Variants in RMDN1 observed in about 807,000 individuals in gnomAD.
The protein encoded by RMDN1 is regulator of microtubule dynamics 1.
In RMDN1, 48 loss-of-function variants were observed where a neutral mutation model predicts 48.9. The observed-to-expected ratio is 0.98, with a 90% CI of 0.78 to 1.25. The LOEUF (loss-of-function observed/expected upper bound fraction) is 1.25. Among genes scored for constraint, RMDN1 ranks in the 50% most tolerant of loss-of-function variants. RMDN1 has a pLI of 0.00. For synonymous variants in RMDN1, 148 were observed against 132.6 expected, an observed-to-expected ratio of 1.12 and a Z score of -0.80; for missense variants, 418 against 373.4, an observed-to-expected ratio of 1.12 and a Z score of -0.98.
intron 2 of RMDN1, among the ~76,000 whole-genome samples, chr8:86,502,058 A>G (rs1171146761): frequency 5.3e-5 from 8 of 152,202 alleles, no homozygotes; most frequent in African/African-American, 1.9e-4. Context: ...CAGAAGTTGA[A>G]TAAGACCATC....
chr8:86,474,397 G>T, intron 9 of RMDN1, 39 bp from the exon 10 acceptor site: 2 of 1,479,588 alleles, frequency 1.4e-6, no homozygotes, highest in Non-Finnish European at 1.9e-6. Context: ...AAACAGGAGA[G>T]CTAAGAGACT....
Position 86,486,550 on chromosome 8 carries a change from C to T in RMDN1, c.429G>A (p.Val143=), listed in dbSNP as rs768239964. The change falls in exon 4 of 10, where the codon GTG becomes GTA. Residue 143 remains valine, a synonymous_variant. Coordinates refer to ENST00000406452, the MANE Select transcript of RMDN1 (RefSeq NM_016033.3). The stretch of plus-strand genomic sequence containing the variant: ...TTTTTGCATACTCTAGGGCTTCATA[C>T]ACCAATAGCTTTTTCTCCTCTTCTG... ...RTSEEEKKLL[V]YEALEYAKRA... The T allele has an allele frequency of 3.7e-6, 6 of 1,612,270 alleles. No homozygotes were observed. The Admixed American group carries it at 5.0e-5, about 13-fold the overall frequency.
downstream of RMDN1, among the ~76,000 whole-genome samples, chr8:86,471,458 C>G (rs906048750): frequency 2.0e-5 from 3 of 152,000 alleles, no homozygotes; most frequent in African/African-American, 7.2e-5. Context: ...ACACAATATG[C>G]TAATATGAAT....
intron 1 of RMDN1, 153 bp downstream of exon 1, chr8:86,508,339 C>T: frequency 1.3e-6 from 1 of 781,740 alleles, no homozygotes; most frequent in Non-Finnish European, 1.9e-6. Flanking sequence ...ATGGAAGGGA[C>T]CTGTCCGGGC....
chr8:86,470,098 C>T, downstream of RMDN1: 1 of 1,179,156 alleles, frequency 8.5e-7, no homozygotes, highest in Middle Eastern at 2.4e-4. Flanking sequence ...AGAATCACGG[C>T]CATTTTCCAA....
intron 2 of RMDN1, among the ~76,000 whole-genome samples, chr8:86,501,525 T>C (rs2131193844): frequency 6.6e-6 from 1 of 151,968 alleles, no homozygotes; most frequent in Middle Eastern, 3.4e-3. Flanking sequence ...ATACAAAAAT[T>C]AGGCAGGCAT....
chr8:86,485,017 A>C, intron 4 of RMDN1, 56 bp from the exon 5 acceptor site: 1 of 978,034 alleles, frequency 1.0e-6, no homozygotes, highest in Non-Finnish European at 1.6e-6. Flanking sequence ...CATTCAATAC[A>C]AGGTAAAACT....
chr8:86,479,023 A>G lies in RMDN1; in HGVS notation c.642-13T>C, dbSNP rs761598002. 5 of 1,590,810 alleles carry G rather than the reference A, an allele frequency of 3.1e-6. No homozygotes were observed. Among genetic ancestry groups the G allele is most frequent in the Non-Finnish European group, 4.3e-6 (5 of 1,159,816 alleles). ...AAATGTATAGCACCTACAGGGAAAT[A>G]AAACAATTTTATACATTCAAATTGT... On this transcript the variant is annotated splice_polypyrimidine_tract_variant and intron_variant, in intron 6 of 9. Transcript: ENST00000406452.
chr8:86,492,318 T>A (rs1356956014), intron 2 of RMDN1, among the ~76,000 whole-genome samples: 1 of 152,180 alleles, frequency 6.6e-6, no homozygotes, highest in East Asian at 1.9e-4. Context: ...GTACTATGAA[T>A]GTATTAGCAT....
intron 5 of RMDN1, among the ~76,000 whole-genome samples, chr8:86,480,709 T>C (rs764785800): frequency 6.6e-6 from 1 of 152,244 alleles, no homozygotes; most frequent in Non-Finnish European, 1.5e-5. Flanking sequence ...AAACTGTAGA[T>C]GAATACTGAA....
intron 2 of RMDN1, among the ~76,000 whole-genome samples, chr8:86,494,574 G>C (rs559676252): frequency 2.6e-5 from 4 of 151,986 alleles, no homozygotes; most frequent in Non-Finnish European, 4.4e-5. Flanking sequence ...AAAGCTTCTT[G>C]AAGTGTGAAA....
rs563966956 is a variant in RMDN1 at position 86,514,176 on chromosome 8, A to C, written c.-4+66T>G. ...GTCTTCTCAGTTCAGATATGGCATA[A>C]ATTTTCTCAAATATTTAAATTATTT... is the stretch of plus-strand genomic sequence containing the variant. On this transcript the variant is annotated intron_variant, in intron 1 of 9. Coordinates refer to the RMDN1 transcript ENST00000523911. 206 of 833,412 alleles carry C rather than the reference A, an allele frequency of 2.5e-4. No individual in the cohort carries two copies. The African/African-American group carries it at 3.6e-3, about 14-fold the overall frequency. The allele number at this position is 833,412 out of a possible 1,614,324, so 51.6% of individuals were successfully genotyped here. A position where few individuals can be genotyped will look rare whatever the true frequency, so the allele number is the denominator to read the frequency against.
chr8:86,477,110 TAGC>T (rs1436084724), intron 8 of RMDN1, among the ~76,000 whole-genome samples, 181 bp downstream of exon 8: 1 of 151,064 alleles, frequency 6.6e-6, no homozygotes, highest in Non-Finnish European at 1.5e-5. Flanking sequence ...CTAAGTTCAA[TAGC>T]AGCCTATTTC....
At chr8:86,497,952 G>A (rs1005336448) in intron 2 of RMDN1, among the ~76,000 whole-genome samples, 15 of 151,230 alleles carry the variant, frequency 9.9e-5, no homozygotes, top group Admixed American at 6.6e-5. Flanking sequence ...AAAAATTAGC[G>A]AGGTGTGGTG....
downstream of RMDN1, among the ~76,000 whole-genome samples, chr8:86,468,909 C>A (rs7018083): frequency 0.34 from 52,263 of 151,870 alleles, 10,450 homozygotes; most frequent in African/African-American, 0.55. Flanking sequence ...CTGGACTAAC[C>A]GAAAGAAATT....
chr8:86,508,688 G>T, upstream of RMDN1: 1 of 1,433,560 alleles, frequency 7.0e-7, no homozygotes, highest in Non-Finnish European at 9.1e-7. Flanking sequence ...GGCTAAAGGA[G>T]ATTCAATCCT....
rs1813160019 is a variant in RMDN1 at position 86,475,171 on chromosome 8, TTA to T, written c.761-220_761-219del. ...ATCTACAAATGTGCTAGGCACTGCA[TTA>T]TACACATTTCTCATTTTCACAACTT... On this transcript the variant is annotated intron_variant, in intron 8 of 9. Transcript: ENST00000406452. 1.2e-5 allele frequency: 5 copies of T among 406,230 alleles called. No individual in the cohort carries two copies. The South Asian group carries it at 2.7e-4, about 22-fold the overall frequency. 25.2% of individuals were successfully genotyped at this position (406,230 alleles called of 1,614,324 possible).
At chr8:86,474,646 CTAAAT>C (rs1240829442) in intron 9 of RMDN1, 169 bp downstream of exon 9, 10 of 772,616 alleles carry the variant, frequency 1.3e-5, no homozygotes, top group Admixed American at 6.0e-5. Flanking sequence ...GTGATAGTAA[CTAAAT>C]TATTTCCTAT....
At chr8:86,482,053 C>T (rs1814580306) in intron 5 of RMDN1, 2 of 672,070 alleles carry the variant, frequency 3.0e-6, no homozygotes, top group African/African-American at 1.8e-5. Context: ...ATCACTGGTC[C>T]TCCTGCTAAA....
Sources: allele counts gnomAD v4.1 joint callset (sites outside exome capture counted in the v4.1 genomes callset), GRCh38; gene constraint gnomAD v4.1.1; transcripts MANE v1.5; gene names NCBI Gene and HGNC (gene_info 2026-07-23, HGNC 2026-07-21).